GALNTL6: variants seen among roughly 807,000 people sequenced by gnomAD.
The protein encoded by GALNTL6 is polypeptide N-acetylgalactosaminyltransferase like 6.
A neutral mutation model predicts 73.7 loss-of-function variants in GALNTL6; 46 were observed. The ratio of observed to expected loss-of-function variants is 0.62; its 90% CI spans 0.49 to 0.80. The LOEUF (loss-of-function observed/expected upper bound fraction) is 0.80, where lower values mean the gene tolerates loss of function less well. Ranked by LOEUF, GALNTL6 falls within the 30% of genes least tolerant of loss-of-function variation. GALNTL6 has a pLI of 0.00. For synonymous variants in GALNTL6, 259 were observed against 263.7 expected, an observed-to-expected ratio of 0.98 and a Z score of 0.17; for missense variants, 604 against 755.0, an observed-to-expected ratio of 0.80 and a Z score of 2.34.
At chr4:172,728,169 T>A (rs1200937742) in intron 5 of GALNTL6, among the ~76,000 whole-genome samples, 1 of 152,204 alleles carries the variant, frequency 6.6e-6, no homozygotes, top group Admixed American at 6.5e-5. Context: ...GTGCTGGGAT[T>A]ACAGGCGTCA....
At chr4:172,192,098 G>A (rs555555310) in intron 2 of GALNTL6, among the ~76,000 whole-genome samples, 9 of 152,044 alleles carry the variant, frequency 5.9e-5, no homozygotes, top group East Asian at 5.8e-4. Flanking sequence ...GAAAATATTT[G>A]CAAATTTGAA....
intron 2 of GALNTL6, among the ~76,000 whole-genome samples, chr4:171,929,328 T>C (rs538392184): frequency 1.8e-4 from 28 of 152,294 alleles, no homozygotes; most frequent in Middle Eastern, 3.4e-3. Context: ...TGCCTCAGCC[T>C]ACCAAAGTGC....
chr4:172,885,334 T>C (rs1745663942), intron 8 of GALNTL6, among the ~76,000 whole-genome samples: 1 of 152,190 alleles, frequency 6.6e-6, no homozygotes. Context: ...CTTCTTTAGT[T>C]AAATTTATTC....
In GALNTL6 at chr4:172,592,842, T is replaced by C. The variant is rs531096595; in HGVS notation, c.554-216519T>C. 5.3e-5 allele frequency among the ~76,000 whole-genome samples: 8 copies of C among 152,278 alleles called. No homozygotes were observed. The South Asian group carries it at 8.3e-4, about 16-fold the overall frequency. On this transcript the variant is annotated intron_variant, in intron 5 of 12. Transcript: ENST00000506823. ...TTGACATTTTGATATTTCTTTATGA[T>C]TAATGCAAAATGAGTATGTATGGCT...
intron 5 of GALNTL6, among the ~76,000 whole-genome samples, chr4:172,680,922 C>A (rs536420275): frequency 3.9e-5 from 6 of 152,320 alleles, no homozygotes; most frequent in African/African-American, 1.2e-4. Flanking sequence ...TTATAATCAG[C>A]AGTGGCTAGG....
At chr4:172,196,163 A>C (rs1464338284) in intron 2 of GALNTL6, among the ~76,000 whole-genome samples, 4 of 152,280 alleles carry the variant, frequency 2.6e-5, no homozygotes, top group Admixed American at 6.5e-5. Flanking sequence ...AGAATACTAT[A>C]AACACCACTA....
intron 5 of GALNTL6, among the ~76,000 whole-genome samples, chr4:172,747,104 G>C (rs193110976): frequency 1.3e-5 from 2 of 152,154 alleles, no homozygotes; most frequent in Admixed American, 1.3e-4. Flanking sequence ...GAATAAAATA[G>C]TTATGAGCAA....
At chr4:172,711,093 A>C (rs1173494493) in intron 5 of GALNTL6, among the ~76,000 whole-genome samples, 2 of 152,288 alleles carry the variant, frequency 1.3e-5, no homozygotes, top group South Asian at 4.1e-4. Context: ...GTTCTAGGGC[A>C]AAATAAGTCA....
chr4:172,106,096 A>G (rs1732667448), intron 2 of GALNTL6, among the ~76,000 whole-genome samples: 1 of 152,186 alleles, frequency 6.6e-6, no homozygotes, highest in Admixed American at 6.5e-5. Flanking sequence ...AAACCTCTAC[A>G]TGTTCCAGAT....
At chr4:172,429,964 T>C (rs1478002333) in intron 5 of GALNTL6, among the ~76,000 whole-genome samples, 6 of 152,122 alleles carry the variant, frequency 3.9e-5, no homozygotes, top group Admixed American at 6.6e-5. Flanking sequence ...CAAACAGTTT[T>C]CTCAATAAGT....
chr4:172,054,183 T>C (rs1282563992), intron 2 of GALNTL6, among the ~76,000 whole-genome samples: 1 of 152,054 alleles, frequency 6.6e-6, no homozygotes, highest in Non-Finnish European at 1.5e-5. Flanking sequence ...ATTAATATTA[T>C]AATTAATGTT....
intron 9 of GALNTL6, among the ~76,000 whole-genome samples, chr4:172,945,231 GA>G (rs1362616548): frequency 6.6e-6 from 1 of 152,048 alleles, no homozygotes; most frequent in Non-Finnish European, 1.5e-5. Flanking sequence ...AAACTATAGT[GA>G]AAAAAAGTAC....
chr4:171,901,312 T>G (rs1294273688), intron 2 of GALNTL6, among the ~76,000 whole-genome samples: 1 of 152,138 alleles, frequency 6.6e-6, no homozygotes, highest in African/African-American at 2.4e-5. Context: ...CCATTTTCCA[T>G]ATGCGGTAGC....
intron 2 of GALNTL6, among the ~76,000 whole-genome samples, chr4:172,033,170 GGAGAGA>G (rs70941376): frequency 6.8e-5 from 10 of 146,392 alleles, no homozygotes; most frequent in Admixed American, 2.7e-4. Flanking sequence ...ACACACACAC[GGAGAGA>G]GAGAGAGAGA....
intron 5 of GALNTL6, among the ~76,000 whole-genome samples, chr4:172,608,644 T>C (rs1738400853): frequency 6.6e-6 from 1 of 152,132 alleles, no homozygotes; most frequent in East Asian, 1.9e-4. Flanking sequence ...TTTATATGAA[T>C]TTTGGAATAG....
At chr4:172,840,802 C>G (rs1743165663) in intron 7 of GALNTL6, among the ~76,000 whole-genome samples, 1 of 152,102 alleles carries the variant, frequency 6.6e-6, no homozygotes, top group African/African-American at 2.4e-5. Context: ...TCAGGACTTG[C>G]TACCCCAGCT....
intron 2 of GALNTL6, among the ~76,000 whole-genome samples, chr4:171,872,748 A>G (rs1736173517): frequency 6.6e-6 from 1 of 152,184 alleles, no homozygotes; most frequent in South Asian, 2.1e-4. Flanking sequence ...AACACCAGTC[A>G]TATTGAATTA....
At chr4:172,894,812 T>C (rs1444391614) in intron 8 of GALNTL6, among the ~76,000 whole-genome samples, 2 of 152,186 alleles carry the variant, frequency 1.3e-5, no homozygotes, top group Non-Finnish European at 2.9e-5. Context: ...GCATTCTATC[T>C]GTCCCTTTAG....
intron 2 of GALNTL6, among the ~76,000 whole-genome samples, chr4:171,977,327 G>T (rs1213038734): frequency 1.3e-5 from 2 of 152,158 alleles, no homozygotes; most frequent in Non-Finnish European, 2.9e-5. Context: ...AAATAAGGAA[G>T]AGTAGTATAT....
Sources: allele counts gnomAD v4.1 joint callset (sites outside exome capture counted in the v4.1 genomes callset), GRCh38; gene constraint gnomAD v4.1.1; transcripts MANE v1.5; gene names NCBI Gene and HGNC (gene_info 2026-07-23, HGNC 2026-07-21).